Variants in DBN1 observed in about 807,000 individuals in gnomAD.
DBN1 encodes the protein drebrin.
A neutral mutation model predicts 83.5 loss-of-function variants in DBN1; 21 were observed. The ratio of observed to expected loss-of-function variants is 0.25; its 90% CI spans 0.18 to 0.36. DBN1 has a LOEUF of 0.36. Among genes scored for constraint, DBN1 ranks in the 10% least tolerant of loss-of-function variants. DBN1 has a pLI of 1.00. For missense variants in DBN1, 874 were observed against 935.7 expected (o/e 0.93, Z 0.86); for synonymous variants, 381 against 384.9 (o/e 0.99, Z 0.12).
At chr5:177,468,731 T>G in intron 2 of DBN1, 113 bp downstream of exon 2, 3 of 608,782 alleles carry the variant, frequency 4.9e-6, no homozygotes, top group South Asian at 5.5e-5. Flanking sequence ...TCCAGACAAG[T>G]GTGGGGCTGC....
At chr5:177,469,882 C>A (rs781317315) in intron 1 of DBN1, among the ~76,000 whole-genome samples, 5 of 152,172 alleles carry the variant, frequency 3.3e-5, no homozygotes, top group African/African-American at 4.8e-5. Context: ...CTTCTCCAAA[C>A]TCCTATTCCC....
intron 1 of DBN1, chr5:177,472,182 G>A (rs1003413882): frequency 1.2e-6 from 2 of 1,613,600 alleles, no homozygotes; most frequent in African/African-American, 2.7e-5. Flanking sequence ...GGCCAGTGCT[G>A]CAGTACCATG....
chr5:177,467,654 G>A lies in DBN1; in HGVS notation c.331-27C>T. ...TTCCGCAAGAAGACGGCAGTGCTCA[G>A]GCGGCACCATCCTCCCGCCATCCCC... On this transcript the variant is annotated intron_variant, in intron 4 of 14. Coordinates refer to ENST00000393565, the MANE Select transcript of DBN1 (RefSeq NM_001363541.2). This position sits in a 1 kb window ranked among gnomAD's most constrained non-coding sequence, Gnocchi z 9.1. 1.3e-6 allele frequency: 2 copies of A among 1,565,348 alleles called. No homozygotes were observed. The highest frequency in any genetic ancestry group is 8.7e-7 in the Non-Finnish European group (1 of 1,154,940).
At chr5:177,461,093 TC>T (rs1366814439) in intron 8 of DBN1, among the ~76,000 whole-genome samples, 9 of 132,316 alleles carry the variant, frequency 6.8e-5, no homozygotes, top group South Asian at 4.7e-4. Flanking sequence ...CTTCTGGCCT[TC>T]TTTTTTTTTT....
chr5:177,468,530 A>T, intron 2 of DBN1: 1 of 469,336 alleles, frequency 2.1e-6, no homozygotes, highest in Admixed American at 3.5e-5. Flanking sequence ...CCAGAGGCAC[A>T]ATCAAGCCTT....
intron 1 of DBN1, chr5:177,472,741 C>T (rs1212831208): frequency 1.3e-5 from 13 of 981,920 alleles, no homozygotes; most frequent in Admixed American, 6.1e-5. Context: ...TGCCTAGTCC[C>T]CGCAGTCCCC....
intron 1 of DBN1, 47 bp from the exon 2 acceptor site, chr5:177,468,946 C>A: frequency 8.0e-7 from 1 of 1,253,186 alleles, no homozygotes; most frequent in Non-Finnish European, 1.0e-6. Context: ...GCCCAGGCCG[C>A]CAATTCTGGG....
rs1050126670 is a variant in DBN1 at position 177,466,606 on chromosome 5, G to T, written c.771+166C>A. ...CCACGGCCAGAGGCCAGAGCCCCAC[G>T]TGATGAGGTGCCAGGCCTCATGCTC... On this transcript the variant is annotated intron_variant, in intron 8 of 14. Coordinates refer to ENST00000393565, the MANE Select transcript of DBN1 (RefSeq NM_001363541.2). This position sits in a 1 kb window ranked among gnomAD's most constrained non-coding sequence, Gnocchi z 4.8. 6.6e-6 allele frequency among the ~76,000 whole-genome samples: 1 copy of T among 152,176 alleles called. No homozygotes were observed. Among genetic ancestry groups the T allele is most frequent in the Non-Finnish European group, 1.5e-5 (1 of 68,024 alleles).
chr5:177,470,947 G>A (rs335421), intron 1 of DBN1, among the ~76,000 whole-genome samples: 138,828 of 152,246 alleles, frequency 0.91, 64,163 homozygotes, highest in East Asian at 1. Context: ...ACTGCCCCCA[G>A]CTGTAAGCCT....
chr5:177,473,401 G>A (rs1191360057), intron 1 of DBN1, 35 bp downstream of exon 1: 8 of 1,253,368 alleles, frequency 6.4e-6, no homozygotes, highest in East Asian at 6.3e-5. Context: ...GCGGCGCGGG[G>A]ACAAAGGGGC....
Position 177,467,148 on chromosome 5 carries a change from G to T in DBN1, c.556-86C>A. 3 of 1,607,568 alleles carry T rather than the reference G, an allele frequency of 1.9e-6. No homozygotes were observed. The highest frequency in any genetic ancestry group is 2.6e-6 in the Non-Finnish European group (3 of 1,175,462). ...CCAGCCCCTCCCTAACCCAGCGCTG[G>T]GGGCGGGGCACGTGGCATGGGCCAT... On this transcript the variant is annotated intron_variant, in intron 6 of 14. Transcript: ENST00000393565. The surrounding 1 kb of genome is among the most constrained non-coding windows in gnomAD (Gnocchi z 9.1).
In DBN1 at chr5:177,464,132, T is replaced by A. The variant is rs373264959; in HGVS notation, c.771+2640A>T. 1.7e-4 allele frequency among the ~76,000 whole-genome samples: 25 copies of A among 149,536 alleles called. No individual in the cohort carries two copies. The East Asian group carries it at 3.3e-3, about 20-fold the overall frequency. ...CTTCATCTTAAAAAAGATAAATAAATAAAAATAAATAAATAAATAAATAAA... is the reference window on the plus strand; with the variant it reads ...CTTCATCTTAAAAAAGATAAATAAAAAAAAATAAATAAATAAATAAATAAA... On this transcript the variant is annotated intron_variant, in intron 8 of 14. Transcript: ENST00000393565.
At chr5:177,465,691 A>G (rs535273948) in intron 8 of DBN1, among the ~76,000 whole-genome samples, 414 of 152,154 alleles carry the variant, frequency 2.7e-3, no homozygotes, top group African/African-American at 9.5e-3. Context: ...CCCAGTCTCT[A>G]CAAAAACACA....
chr5:177,467,144 G>C lies in DBN1; in HGVS notation c.556-82C>G. 6.2e-7 allele frequency: 1 copy of C among 1,607,862 alleles called. No homozygotes were observed. Among genetic ancestry groups the C allele is most frequent in the Non-Finnish European group, 8.5e-7 (1 of 1,175,802 alleles). ...CCCTCCAGCCCCTCCCTAACCCAGC[G>C]CTGGGGGCGGGGCACGTGGCATGGG... On this transcript the variant is annotated intron_variant, in intron 6 of 14. Coordinates refer to ENST00000393565, the MANE Select transcript of DBN1 (RefSeq NM_001363541.2). The surrounding 1 kb of genome is among the most constrained non-coding windows in gnomAD (Gnocchi z 9.1).
In DBN1 at chr5:177,456,673, C is replaced by CAAAAAAA. The variant is rs72166670; in HGVS notation, c.*753_*759dup. The CAAAAAAA allele has an allele frequency of 3.1e-5, 2 of 65,146 alleles. No individual in the cohort carries two copies. Among genetic ancestry groups the CAAAAAAA allele is most frequent in the African/African-American group, 8.0e-5 (1 of 12,568 alleles). The allele number at this position is 65,146 out of a possible 1,614,324, so 4.0% of individuals were successfully genotyped here. ...ACCCGTTACAGAAGTTTGTGCTTTCCAAAAAAAAAAAAAAAAAAAAAAAAA... is the reference window on the plus strand; with the variant it reads ...ACCCGTTACAGAAGTTTGTGCTTTCCAAAAAAAAAAAAAAAAAAAAAAAAAAAAAAAA... On this transcript the variant is annotated 3_prime_UTR_variant, in exon 15 of 15. Coordinates refer to ENST00000393565, the MANE Select transcript of DBN1 (RefSeq NM_001363541.2).
chr5:177,470,995 T>C (rs1757804560), intron 1 of DBN1, among the ~76,000 whole-genome samples: 1 of 152,176 alleles, frequency 6.6e-6, no homozygotes, highest in Non-Finnish European at 1.5e-5. Flanking sequence ...AATCAGCACA[T>C]CCTGCTCTCT....
chr5:177,469,060 G>A lies in DBN1; in HGVS notation c.87-161C>T, dbSNP rs552592540. On this transcript the variant is annotated intron_variant, in intron 1 of 14. Coordinates refer to ENST00000393565, the MANE Select transcript of DBN1 (RefSeq NM_001363541.2). The stretch of plus-strand genomic sequence containing the variant: ...AACAGGGCCAGGCATCGGTTCAGGC[G>A]GGAGCCCAGCAGGGTACTGCTGGAG... Among the ~76,000 whole-genome samples the A allele has an allele frequency of 3.2e-3, 482 of 152,170 alleles. 3 individuals are homozygous for A. Among genetic ancestry groups the A allele is most frequent in the African/African-American group, 0.01 (434 of 41,514 alleles).
intron 8 of DBN1, among the ~76,000 whole-genome samples, chr5:177,465,069 T>C (rs1020657754): frequency 1.3e-5 from 2 of 152,066 alleles, no homozygotes; most frequent in Non-Finnish European, 2.9e-5. Context: ...AGGAGAATGG[T>C]GTGAACCTGG....
chr5:177,472,955 C>A, intron 1 of DBN1: 1 of 542,462 alleles, frequency 1.8e-6, no homozygotes. Flanking sequence ...CCCGCCCTCG[C>A]TTTCCTTTGT....
Sources: gnomAD v4.1 joint callset for allele counts (sites outside exome capture counted in the v4.1 genomes callset) on GRCh38, gnomAD v4.1.1 for gene constraint, Gnocchi (gnomAD v3.1) non-coding constraint, MANE v1.5 for transcripts, NCBI Gene and HGNC (gene_info 2026-07-23, HGNC 2026-07-21) for gene names.